Variants in PLPPR1 observed in about 807,000 individuals in gnomAD.
PLPPR1 encodes the protein phospholipid phosphatase related 1, also known as phospholipid phosphatase-related protein type 1.
PLPPR1 carries 10 observed loss-of-function variants against 33.1 expected under a neutral mutation model. The ratio of observed to expected loss-of-function variants is 0.30; its 90% CI spans 0.19 to 0.51. PLPPR1 has a LOEUF of 0.51. Among genes scored for constraint, PLPPR1 ranks in the 20% least tolerant of loss-of-function variants. The pLI is 0.97. For synonymous variants in PLPPR1, 151 were observed against 151.0 expected, an observed-to-expected ratio of 1.00 and a Z score of 0.00; for missense variants, 304 against 408.1, an observed-to-expected ratio of 0.74 and a Z score of 2.20.
In PLPPR1 at chr9:101,199,501, G is replaced by A. The variant is rs564313345; in HGVS notation, c.63+13944G>A. ...AGCAGACCATGTGTTAGAAAAATGC[G>A]GTCACTCTAGCATAAGGGTATCTGA... On this transcript the variant is annotated intron_variant, in intron 2 of 7. Coordinates refer to ENST00000374874, the MANE Select transcript of PLPPR1 (RefSeq NM_207299.2). Among the ~76,000 whole-genome samples the A allele has an allele frequency of 3.9e-5, 6 of 152,184 alleles. No homozygotes were observed. The South Asian group carries it at 8.3e-4, about 21-fold the overall frequency.
intron 1 of PLPPR1, among the ~76,000 whole-genome samples, chr9:101,143,638 TC>T (rs761902218): frequency 3.4e-4 from 51 of 152,222 alleles, no homozygotes; most frequent in Non-Finnish European, 5.9e-4. Flanking sequence ...CAGACACTTC[TC>T]TGAAGAAGAC....
intron 4 of PLPPR1, among the ~76,000 whole-genome samples, chr9:101,288,087 A>C (rs1828427229): frequency 6.6e-6 from 1 of 152,204 alleles, no homozygotes; most frequent in Non-Finnish European, 1.5e-5. Context: ...AGCAGGGTCC[A>C]AGGAATAAAA....
chr9:101,244,883 G>A (rs1330058700), intron 2 of PLPPR1, among the ~76,000 whole-genome samples: 1 of 151,764 alleles, frequency 6.6e-6, no homozygotes, highest in Non-Finnish European at 1.5e-5. Flanking sequence ...AAGAAAAATA[G>A]AATGCAAAAA....
intron 6 of PLPPR1, among the ~76,000 whole-genome samples, chr9:101,313,372 A>G (rs149931963): frequency 1.3e-5 from 2 of 152,328 alleles, no homozygotes; most frequent in East Asian, 3.9e-4. Context: ...GAGAATGAAG[A>G]GCACTGGTAG....
chr9:101,203,365 A>T (rs974828046), intron 2 of PLPPR1, among the ~76,000 whole-genome samples: 1 of 151,994 alleles, frequency 6.6e-6, no homozygotes, highest in South Asian at 2.1e-4. Context: ...TTAGGGGGGG[A>T]AAAAGACTTT....
intron 1 of PLPPR1, among the ~76,000 whole-genome samples, chr9:101,121,824 C>T (rs1831181131): frequency 6.6e-6 from 1 of 152,166 alleles, no homozygotes; most frequent in Non-Finnish European, 1.5e-5. Flanking sequence ...GCAGCTTTTT[C>T]CCTTGCTATT....
intron 2 of PLPPR1, among the ~76,000 whole-genome samples, chr9:101,221,329 C>T (rs1217510682): frequency 6.6e-6 from 1 of 152,152 alleles, no homozygotes; most frequent in Non-Finnish European, 1.5e-5. Context: ...GCTGGAAACT[C>T]CTTGAGATAA....
In PLPPR1 at chr9:101,216,888, C is replaced by T. The variant is rs376515515; in HGVS notation, c.63+31331C>T. Among the ~76,000 whole-genome samples the T allele has an allele frequency of 2.5e-4, 38 of 152,134 alleles. 1 individual carries two copies. The South Asian group carries it at 3.1e-3, about 12-fold the overall frequency. ...TAGAAAATTTACCCCTGGTTGAGAA[C>T]CACTGAGCTAAAGAACAAAAAATAG... On this transcript the variant is annotated intron_variant, in intron 2 of 7. Transcript: ENST00000374874.
intron 1 of PLPPR1, among the ~76,000 whole-genome samples, chr9:101,150,617 T>G (rs1831570221): frequency 6.6e-6 from 1 of 152,206 alleles, no homozygotes; most frequent in Admixed American, 6.5e-5. Context: ...GGTGTGGTTT[T>G]TAGCAAAACC....
At chr9:101,163,417 C>T (rs1191209960) in intron 1 of PLPPR1, among the ~76,000 whole-genome samples, 1 of 152,210 alleles carries the variant, frequency 6.6e-6, no homozygotes, top group Admixed American at 6.6e-5. Context: ...CAGCAAGTTT[C>T]AGGGACTAGC....
chr9:101,080,808 A>G (rs1830607788), intron 1 of PLPPR1, among the ~76,000 whole-genome samples: 1 of 152,028 alleles, frequency 6.6e-6, no homozygotes, highest in African/African-American at 2.4e-5. Context: ...CTTTTTTCCC[A>G]TTCCTGAGAA....
chr9:101,156,501 A>C (rs1027993855), intron 1 of PLPPR1, among the ~76,000 whole-genome samples: 4 of 145,962 alleles, frequency 2.7e-5, no homozygotes, highest in Non-Finnish European at 1.5e-5. Flanking sequence ...CAGTGAGCCA[A>C]GTTTGCACCA....
At chr9:101,185,264 A>G (rs756951035) in intron 1 of PLPPR1, 186 bp from the exon 2 acceptor site, 70 of 432,884 alleles carry the variant, frequency 1.6e-4, no homozygotes, top group Non-Finnish European at 7.3e-5. Context: ...TGGCAAGTAT[A>G]TATTATTTGC....
intron 1 of PLPPR1, among the ~76,000 whole-genome samples, chr9:101,131,266 C>T (rs1334484403): frequency 6.6e-6 from 1 of 152,156 alleles, no homozygotes; most frequent in Admixed American, 6.5e-5. Flanking sequence ...ATTACCTGAA[C>T]TCCTGAACCC....
intron 1 of PLPPR1, among the ~76,000 whole-genome samples, chr9:101,132,199 T>C (rs1831321658): frequency 6.6e-6 from 1 of 152,170 alleles, no homozygotes; most frequent in Admixed American, 6.5e-5. Context: ...ATTTCACTGT[T>C]GTTCAATGTT....
At chr9:101,260,943 C>T (rs1827887436) in intron 2 of PLPPR1, among the ~76,000 whole-genome samples, 1 of 152,114 alleles carries the variant, frequency 6.6e-6, no homozygotes, top group South Asian at 2.1e-4. Context: ...GAAGAGGAGA[C>T]CTCAGTCAAC....
intron 1 of PLPPR1, among the ~76,000 whole-genome samples, chr9:101,100,054 T>C (rs2118550893): frequency 6.6e-6 from 1 of 152,270 alleles, no homozygotes; most frequent in Admixed American, 6.5e-5. Context: ...TTTCTTTTTC[T>C]GACATACGGT....
At chr9:101,088,737 T>G (rs1048596929) in intron 1 of PLPPR1, among the ~76,000 whole-genome samples, 1 of 152,168 alleles carries the variant, frequency 6.6e-6, no homozygotes, top group Non-Finnish European at 1.5e-5. Context: ...TTGAGGAAAT[T>G]ACAGCAAGAT....
intron 6 of PLPPR1, among the ~76,000 whole-genome samples, chr9:101,313,271 A>G (rs1828993431): frequency 6.6e-6 from 1 of 152,086 alleles, no homozygotes; most frequent in South Asian, 2.1e-4. Context: ...CAGACTAATG[A>G]TAAATTGGCA....
Sources: allele counts gnomAD v4.1 joint callset (sites outside exome capture counted in the v4.1 genomes callset), GRCh38; gene constraint gnomAD v4.1.1; transcripts MANE v1.5; gene names NCBI Gene and HGNC (gene_info 2026-07-23, HGNC 2026-07-21).